Variants in C1orf198 observed in about 807,000 individuals in gnomAD.
C1orf198 encodes uncharacterized protein C1orf198.
A neutral mutation model predicts 31.4 loss-of-function variants in C1orf198; 17 were observed. The ratio of observed to expected loss-of-function variants is 0.54; its 90% confidence interval spans 0.37 to 0.81. The LOEUF is 0.81. Ranked by LOEUF, C1orf198 falls within the 40% of genes least tolerant of loss-of-function variation. The pLI is 0.00. For synonymous variants in C1orf198, 175 were observed against 193.8 expected (o/e 0.90, Z 0.81); for missense variants, 401 against 450.3 (o/e 0.89, Z 0.99).
At chr1:230,868,068 C>A in intron 1 of C1orf198, 112 bp downstream of exon 1, 11 of 968,404 alleles carry the variant, frequency 1.1e-5, no homozygotes, top group East Asian at 8.5e-5. Context: ...CCTGCCTTTT[C>A]TTTTCCAGCC....
At chr1:230,856,973 C>A (rs1442593386) in intron 1 of C1orf198, among the ~76,000 whole-genome samples, 2 of 152,190 alleles carry the variant, frequency 1.3e-5, no homozygotes, top group African/African-American at 4.8e-5. Context: ...AGAGCCTCCG[C>A]CACCCTAGCT....
At chr1:230,865,825 C>T (rs578150949) in intron 1 of C1orf198, among the ~76,000 whole-genome samples, 52 of 152,176 alleles carry the variant, frequency 3.4e-4, no homozygotes, top group Non-Finnish European at 5.9e-4. Context: ...ATGATCACCA[C>T]ATTTGGAGGC....
chr1:230,848,319 G>C (rs140040505), intron 2 of C1orf198, among the ~76,000 whole-genome samples: 2 of 152,162 alleles, frequency 1.3e-5, no homozygotes, highest in Admixed American at 1.3e-4. Flanking sequence ...TGCAAATAAC[G>C]TATAACTACA....
Position 230,839,821 on chromosome 1 carries a change from AG to A in C1orf198, c.*30del, listed in dbSNP as rs1325456175. On this transcript the variant is annotated 3_prime_UTR_variant, in exon 4 of 4. Coordinates refer to ENST00000366663, the MANE Select transcript of C1orf198 (RefSeq NM_032800.3). ...ACCACACCACTTTGGAAAACATTTT[AG>A]GGTTCTTCATTGTATTTTTCTAATA... The A allele has an allele frequency of 6.3e-7, 1 of 1,595,390 alleles. No homozygotes were observed.
At chr1:230,867,670 A>G (rs893242861) in intron 1 of C1orf198, among the ~76,000 whole-genome samples, 1 of 152,072 alleles carries the variant, frequency 6.6e-6, no homozygotes, top group Non-Finnish European at 1.5e-5. Context: ...TTCCCCATAC[A>G]TCTCATCACA....
chr1:230,859,038 G>A (rs1176159267), intron 1 of C1orf198, among the ~76,000 whole-genome samples: 1 of 152,132 alleles, frequency 6.6e-6, no homozygotes, highest in Non-Finnish European at 1.5e-5. Context: ...TTGGGTTTCT[G>A]TAATTCTGAG....
rs1263482480 is a variant in C1orf198 at position 230,868,191 on chromosome 1, A to C, written c.322T>G (p.Phe108Val). The C allele has an allele frequency of 6.6e-7, 1 of 1,513,598 alleles. No homozygotes were observed. The highest frequency in any genetic ancestry group is 1.2e-5 in the South Asian group (1 of 81,750). 93.8% of individuals were successfully genotyped at this position (1,513,598 alleles called of 1,614,324 possible). A position where few individuals can be genotyped will look rare whatever the true frequency, so the allele number is the denominator to read the frequency against. ...AGGCCCGCACCTACCTCGTCCCCGA[A>C]GCGCACCACCTTCTGGCCCGTGGGC... ...RGPTGQKVVR[F>V]GDEDLTWQDE... The change falls in exon 1 of 4, where the codon TTC becomes GTC. Residue 108 changes from phenylalanine to valine, a missense_variant. Transcript: ENST00000366663.
At chr1:230,868,122 CCGGGGCGCCT>C (rs1558144456) in intron 1 of C1orf198, 48 bp downstream of exon 1, 1 of 1,327,728 alleles carries the variant, frequency 7.5e-7, no homozygotes, top group Non-Finnish European at 9.6e-7. Flanking sequence ...GCCCACCGGG[CCGGGGCGCCT>C]CGGGGCGCCG....
At chr1:230,855,630 T>C in intron 2 of C1orf198, 38 bp downstream of exon 2, 1 of 1,599,322 alleles carries the variant, frequency 6.3e-7, no homozygotes, top group Non-Finnish European at 8.5e-7. Context: ...TCAGTTCTTT[T>C]TAAAAGAACA....
intron 2 of C1orf198, among the ~76,000 whole-genome samples, chr1:230,854,786 G>A (rs1669832939): frequency 6.6e-6 from 1 of 152,082 alleles, no homozygotes; most frequent in Non-Finnish European, 1.5e-5. Context: ...AACCACTCTG[G>A]CCCACCCTCC....
intron 1 of C1orf198, among the ~76,000 whole-genome samples, chr1:230,865,520 C>T (rs1670099322): frequency 2.0e-5 from 3 of 152,100 alleles, no homozygotes; most frequent in African/African-American, 7.2e-5. Context: ...TGTTGATTTC[C>T]AAGGAAGCAA....
intron 2 of C1orf198, among the ~76,000 whole-genome samples, chr1:230,846,931 G>A (rs1399200238): frequency 6.6e-6 from 1 of 151,552 alleles, no homozygotes; most frequent in East Asian, 1.9e-4. Context: ...GTGAAACCCC[G>A]TCTCTACTAA....
In C1orf198 at chr1:230,843,383, T is replaced by G. The variant is rs768733214; in HGVS notation, c.898A>C (p.Thr300Pro). ...GCAAACTTGGGTTCCGAGAACAGGG[T>G]GTCTTCCCCATCGTCCTGCCTGACA... ...PDVRQDDGEDTLFSEPKFAQV... is the reference protein window; with the variant it reads ...PDVRQDDGEDPLFSEPKFAQV... The change falls in exon 3 of 4, where the codon ACC (threonine) becomes CCC (proline). Residue 300 changes from threonine (T) to proline (P), a missense_variant. Thr to Pro is a conservative substitution (Grantham distance 38). Coordinates refer to ENST00000366663, the MANE Select transcript of C1orf198 (RefSeq NM_032800.3). This position sits in a 1 kb window ranked among gnomAD's most constrained non-coding sequence, Gnocchi z 4.9. 2.9e-5 allele frequency: 45 copies of G among 1,558,792 alleles called. No individual in the cohort carries two copies. The South Asian group carries it at 5.1e-4, about 18-fold the overall frequency.
At chr1:230,842,905 G>A (rs1314704661) in intron 3 of C1orf198, among the ~76,000 whole-genome samples, 1 of 152,226 alleles carries the variant, frequency 6.6e-6, no homozygotes, top group South Asian at 2.1e-4. Context: ...AAGACCCAGT[G>A]AGGCCTCTCA....
chr1:230,863,861 C>T (rs1174591090), intron 1 of C1orf198, among the ~76,000 whole-genome samples: 1 of 152,376 alleles, frequency 6.6e-6, no homozygotes, highest in East Asian at 1.9e-4. Flanking sequence ...ATGGATACAG[C>T]AGGCACAAGG....
intron 1 of C1orf198, among the ~76,000 whole-genome samples, chr1:230,861,485 G>A (rs1397435384): frequency 6.6e-6 from 1 of 152,170 alleles, no homozygotes; most frequent in Non-Finnish European, 1.5e-5. Flanking sequence ...TGCATCCATT[G>A]TATGTGTAAG....
chr1:230,840,039 T>A lies in C1orf198; in HGVS notation c.928-131A>T. On this transcript the variant is annotated intron_variant, in intron 3 of 3. Coordinates refer to ENST00000366663, the MANE Select transcript of C1orf198 (RefSeq NM_032800.3). The surrounding 1 kb of genome is among the most constrained non-coding windows in gnomAD (Gnocchi z 4.0). ...CTTCTGTCTCAGAGGTTCCCTGACC[T>A]CAATTTATCTCAGTGCTTGAAATCA... 1.4e-6 allele frequency: 1 copy of A among 692,124 alleles called. No homozygotes were observed. The highest frequency in any genetic ancestry group is 2.8e-5 in the East Asian group (1 of 35,870). The allele number at this position is 692,124 out of a possible 1,614,324, so 42.9% of individuals were successfully genotyped here.
chr1:230,852,922 T>C (rs1361186091), intron 2 of C1orf198, among the ~76,000 whole-genome samples: 2 of 152,198 alleles, frequency 1.3e-5, no homozygotes, highest in Non-Finnish European at 2.9e-5. Context: ...GCAGAAGTGA[T>C]ACTATGCAAT....
chr1:230,866,107 C>A (rs991616303), intron 1 of C1orf198, among the ~76,000 whole-genome samples: 1 of 152,218 alleles, frequency 6.6e-6, no homozygotes, highest in Non-Finnish European at 1.5e-5. Flanking sequence ...TATCCATCAT[C>A]CCTGTGCCCA....
Sources: allele counts gnomAD v4.1 joint callset (sites outside exome capture counted in the v4.1 genomes callset), GRCh38; gene constraint gnomAD v4.1.1; non-coding constraint Gnocchi (gnomAD v3.1); transcripts MANE v1.5; gene names NCBI Gene and HGNC (gene_info 2026-07-23, HGNC 2026-07-21).